The following GPALPP1 variants were observed in gnomAD, a reference collection of about 807,000 sequenced individuals.
GPALPP1 encodes GPALPP motifs-containing protein 1.
In GPALPP1, 30 loss-of-function variants were observed where a neutral mutation model predicts 38.9. The ratio of observed to expected loss-of-function variants is 0.77; its 90% CI spans 0.58 to 1.05. The LOEUF (loss-of-function observed/expected upper bound fraction) is 1.05, where lower values mean the gene tolerates loss of function less well. Among genes scored for constraint, GPALPP1 ranks in the 50% least tolerant of loss-of-function variants. GPALPP1 has a pLI of 0.00. For synonymous variants in GPALPP1, 120 were observed against 139.2 expected, an observed-to-expected ratio of 0.86 and a Z score of 0.97; for missense variants, 384 against 408.8, an observed-to-expected ratio of 0.94 and a Z score of 0.52.
At chr13:45,023,128 A>G (rs1379626616) in intron 7 of GPALPP1, among the ~76,000 whole-genome samples, 3 of 152,184 alleles carry the variant, frequency 2.0e-5, no homozygotes, top group African/African-American at 7.2e-5. Flanking sequence ...AAATGATTAA[A>G]TGTGGTAAGT....
Position 45,015,077 on chromosome 13 carries a change from A to C in GPALPP1, c.534A>C (p.Gly178=). Residue 178 remains glycine, a synonymous_variant, in exon 5 of 8, where the codon GGA becomes GGC. Transcript: ENST00000379151. ...GAATGAAAGAAAAACTGACCAAAGG[A>C]GATGATGTAAGTTTTAAAAACACTT... ...AQRMKEKLTK[G]DDDSSKPIVR... The C allele has an allele frequency of 6.3e-7, 1 of 1,593,174 alleles. No homozygotes were observed. The highest frequency in any genetic ancestry group is 8.6e-7 in the Non-Finnish European group (1 of 1,167,722).
At chr13:44,994,794 C>A (rs1295279797) in intron 1 of GPALPP1, among the ~76,000 whole-genome samples, 1 of 151,886 alleles carries the variant, frequency 6.6e-6, no homozygotes, top group African/African-American at 2.4e-5. Context: ...GGTCATTGTT[C>A]AGAATATCAC....
At chr13:45,018,213 T>A (rs868352575) in intron 6 of GPALPP1, among the ~76,000 whole-genome samples, 1 of 152,022 alleles carries the variant, frequency 6.6e-6, no homozygotes, top group Admixed American at 6.6e-5. Flanking sequence ...CTGGCTAACA[T>A]GGTGAAACCC....
Position 45,015,092 on chromosome 13 carries a change from TA to T in GPALPP1, c.540+14del. On this transcript the variant is annotated intron_variant, in intron 5 of 7. Transcript: ENST00000379151. ...TGACCAAAGGAGATGATGTAAGTTT[TA>T]AAAACACTTTAAGAAATACACTAAA... 1.3e-6 allele frequency: 2 copies of T among 1,562,548 alleles called. No homozygotes were observed. The highest frequency in any genetic ancestry group is 1.8e-6 in the Non-Finnish European group (2 of 1,142,832).
chr13:45,012,242 A>G (rs1874530865), intron 4 of GPALPP1, among the ~76,000 whole-genome samples: 1 of 152,196 alleles, frequency 6.6e-6, no homozygotes, highest in Admixed American at 6.5e-5. Flanking sequence ...AGAGGACCAG[A>G]GAAATGTAAC....
intron 4 of GPALPP1, among the ~76,000 whole-genome samples, chr13:45,013,110 C>T (rs971864770): frequency 6.6e-6 from 1 of 152,156 alleles, no homozygotes; most frequent in African/African-American, 2.4e-5. Flanking sequence ...AAATATGTTT[C>T]ATACATAATA....
In GPALPP1 at chr13:44,989,572, C is replaced by A. The variant is rs544453157; in HGVS notation, c.-83C>A. On this transcript the variant is annotated 5_prime_UTR_variant, in exon 1 of 8. Transcript: ENST00000379151. Reference sequence around the variant, plus strand: ...CGGCGCCGGGAAACCTGCCATTCTTCGCTGCTGATCGCGGGATTCTTTTTG... The same window carrying A: ...CGGCGCCGGGAAACCTGCCATTCTTAGCTGCTGATCGCGGGATTCTTTTTG... The A allele has an allele frequency of 2.7e-6, 4 of 1,484,914 alleles. No homozygotes were observed. The highest frequency in any genetic ancestry group is 2.8e-6 in the Non-Finnish European group (3 of 1,070,282). The allele number at this position is 1,484,914 out of a possible 1,614,324, so 92.0% of individuals were successfully genotyped here. A position where few individuals can be genotyped will look rare whatever the true frequency, so the allele number is the denominator to read the frequency against.
exon 8 of GPALPP1, chr13:45,036,523 T>G (rs947585286): frequency 3.9e-5 from 6 of 152,192 alleles, no homozygotes; most frequent in Non-Finnish European, 8.8e-5. Context: ...TAATGTTACT[T>G]TGAGGTCTTA....
In GPALPP1 at chr13:45,006,187, C is replaced by T; in HGVS notation, c.222-15C>T. ...TTTGACATATATGCATAAAGTTATA[C>T]TACTATGTTTTCAGAAAACAGAGGA... On this transcript the variant is annotated splice_polypyrimidine_tract_variant and intron_variant, in intron 2 of 7. Transcript: ENST00000379151. The T allele has an allele frequency of 6.6e-7, 1 of 1,514,396 alleles. No homozygotes were observed. The highest frequency in any genetic ancestry group is 9.1e-7 in the Non-Finnish European group (1 of 1,101,078). The allele number at this position is 1,514,396 out of a possible 1,614,324, so 93.8% of individuals were successfully genotyped here.
chr13:44,990,874 G>C (rs561544195), intron 1 of GPALPP1, among the ~76,000 whole-genome samples: 17 of 152,234 alleles, frequency 1.1e-4, no homozygotes, highest in Non-Finnish European at 1.6e-4. Context: ...CGGATCACTT[G>C]AACTCAGGAG....
Position 45,015,451 on chromosome 13 carries a change from T to C in GPALPP1, c.560T>C (p.Val187Ala). The change falls in exon 6 of 8, where the codon GTA becomes GCA. Residue 187 changes from valine (V) to alanine (A), a missense_variant. Physicochemically the swap from Val to Ala is moderately conservative, Grantham distance 64. Coordinates refer to ENST00000379151, the MANE Select transcript of GPALPP1 (RefSeq NM_018559.5). Reference sequence around the variant, plus strand: ...TTAAAGGATTCATCTAAACCCATTGTAAGAGAGTCATGGATGACTGAACTT... The same window carrying C: ...TTAAAGGATTCATCTAAACCCATTGCAAGAGAGTCATGGATGACTGAACTT... ...KGDDDSSKPI[V>A]RESWMTELPP... 6.3e-7 allele frequency: 1 copy of C among 1,596,116 alleles called. No homozygotes were observed. Among genetic ancestry groups the C allele is most frequent in the Non-Finnish European group, 8.5e-7 (1 of 1,173,232 alleles).
rs1874740949 is a variant in GPALPP1 at position 45,015,028 on chromosome 13, CAG to C, written c.488_489del (p.Glu163ValfsTer2). On this transcript the variant is annotated frameshift_variant, in exon 5 of 8. Transcript: ENST00000379151. LOFTEE classifies it high-confidence loss of function. ...GGACCAGTTAACTATAATGTAACGACAGAGTTTGAAAAAAGGGCCCAGAGAAT... is the reference window on the plus strand; with the variant it reads ...GGACCAGTTAACTATAATGTAACGACAGTTTGAAAAAAGGGCCCAGAGAAT... The C allele has an allele frequency of 1.9e-6, 3 of 1,606,222 alleles. No homozygotes were observed. Among genetic ancestry groups the C allele is most frequent in the African/African-American group, 1.3e-5 (1 of 74,540 alleles).
At chr13:44,997,508 T>C (rs764141265) in intron 1 of GPALPP1, among the ~76,000 whole-genome samples, 2 of 152,114 alleles carry the variant, frequency 1.3e-5, no homozygotes, top group East Asian at 3.9e-4. Flanking sequence ...TCACCTCCAC[T>C]AATTTCACCT....
At chr13:45,027,557 G>A (rs1240198672) in intron 7 of GPALPP1, among the ~76,000 whole-genome samples, 3 of 151,366 alleles carry the variant, frequency 2.0e-5, no homozygotes, top group Admixed American at 6.6e-5. Flanking sequence ...TTCACACCCC[G>A]TTCTTGGTTT....
chr13:45,019,132 T>A (rs2138002255), intron 6 of GPALPP1, among the ~76,000 whole-genome samples: 1 of 139,202 alleles, frequency 7.2e-6, no homozygotes, highest in East Asian at 2.1e-4. Context: ...TATTTCTATG[T>A]ATATATTTAT....
intron 4 of GPALPP1, among the ~76,000 whole-genome samples, chr13:45,010,092 G>A (rs1874367906): frequency 6.6e-6 from 1 of 151,874 alleles, no homozygotes; most frequent in Non-Finnish European, 1.5e-5. Flanking sequence ...GTCCTTTTAG[G>A]GCCCTATACA....
intron 7 of GPALPP1, among the ~76,000 whole-genome samples, chr13:45,023,589 A>G (rs1029331511): frequency 6.6e-6 from 1 of 152,318 alleles, no homozygotes; most frequent in Admixed American, 6.5e-5. Context: ...TAAGATCCCT[A>G]CAACTCCATT....
downstream of GPALPP1, chr13:45,035,005 G>C (rs1310517150): frequency 1.4e-5 from 2 of 145,272 alleles, no homozygotes; most frequent in African/African-American, 5.2e-5. Flanking sequence ...CTCTCAGGCT[G>C]GAGTGCAGTG....
At chr13:45,025,408 T>C (rs964049309) in intron 7 of GPALPP1, among the ~76,000 whole-genome samples, 2 of 152,232 alleles carry the variant, frequency 1.3e-5, no homozygotes, top group African/African-American at 4.8e-5. Flanking sequence ...TAATAAGTTT[T>C]CTTGGAAATA....
Sources: allele counts gnomAD v4.1 joint callset (sites outside exome capture counted in the v4.1 genomes callset), GRCh38; gene constraint gnomAD v4.1.1; transcripts MANE v1.5; gene names NCBI Gene and HGNC (gene_info 2026-07-23, HGNC 2026-07-21).